SLC24A3: variants seen among roughly 807,000 people sequenced by gnomAD.
SLC24A3 encodes the protein solute carrier family 24 member 3.
In SLC24A3, 28 loss-of-function variants were observed where a neutral mutation model predicts 75.8. That is an observed-to-expected ratio of 0.37 (90% CI 0.27 to 0.51). The LOEUF (loss-of-function observed/expected upper bound fraction) is 0.51, where lower values mean the gene tolerates loss of function less well. Ranked by LOEUF, SLC24A3 falls within the 20% of genes least tolerant of loss-of-function variation. SLC24A3 has a pLI of 0.94. For synonymous variants in SLC24A3, 372 were observed against 334.1 expected (o/e 1.11, Z -1.24); for missense variants, 663 against 847.8 (o/e 0.78, Z 2.71).
rs1464296009 is a variant in SLC24A3, at chr20:19,438,432, CT to C, written c.272-77055del. 2.6e-5 allele frequency among the ~76,000 whole-genome samples: 4 copies of C among 152,312 alleles called. No homozygotes were observed. The East Asian group carries it at 7.7e-4, about 29-fold the overall frequency. ...GGTGGTAGGTAGTGTAGACAGCAAA[CT>C]GCTTGCTGGCCTCTATACAGGACAT... On this transcript the variant is annotated intron_variant, in intron 2 of 16. Coordinates refer to ENST00000328041, the MANE Select transcript of SLC24A3 (RefSeq NM_020689.4).
At chr20:19,531,848 G>C (rs960950628) in intron 3 of SLC24A3, among the ~76,000 whole-genome samples, 1 of 152,168 alleles carries the variant, frequency 6.6e-6, no homozygotes, top group East Asian at 1.9e-4. Context: ...GTCCCAACAC[G>C]TGGCTGTTCT....
intron 6 of SLC24A3, among the ~76,000 whole-genome samples, chr20:19,652,365 A>T (rs1473117274): frequency 6.6e-6 from 1 of 152,246 alleles, no homozygotes; most frequent in Non-Finnish European, 1.5e-5. Context: ...TGATTATAAT[A>T]AAGTGAATAA....
At chr20:19,571,949 A>G (rs1467730138) in intron 3 of SLC24A3, among the ~76,000 whole-genome samples, 1 of 152,190 alleles carries the variant, frequency 6.6e-6, no homozygotes, top group Non-Finnish European at 1.5e-5. Context: ...ACCTTGAGAC[A>G]AGGATTTAAA....
intron 6 of SLC24A3, among the ~76,000 whole-genome samples, chr20:19,629,734 T>A (rs2031910936): frequency 6.6e-6 from 1 of 152,100 alleles, no homozygotes; most frequent in African/African-American, 2.4e-5. Context: ...CGGGCCAGAA[T>A]GGATTGGGAT....
intron 2 of SLC24A3, among the ~76,000 whole-genome samples, chr20:19,436,776 G>C (rs556281413): frequency 2.2e-4 from 34 of 152,272 alleles, no homozygotes; most frequent in African/African-American, 7.2e-4. Context: ...GCTCTGATTG[G>C]TTACAGCTGG....
chr20:19,360,470 A>G (rs1054633041), intron 2 of SLC24A3, among the ~76,000 whole-genome samples: 1 of 152,238 alleles, frequency 6.6e-6, no homozygotes, highest in African/African-American at 2.4e-5. Context: ...TCAGCATGTG[A>G]ATACTTCAAC....
At chr20:19,631,278 T>C (rs1029304770) in intron 6 of SLC24A3, among the ~76,000 whole-genome samples, 2 of 152,114 alleles carry the variant, frequency 1.3e-5, no homozygotes, top group Non-Finnish European at 2.9e-5. Context: ...GCCTTGGAGA[T>C]GGAGGTTGCA....
At chr20:19,238,440 G>A (rs138841283) in intron 1 of SLC24A3, among the ~76,000 whole-genome samples, 235 of 152,234 alleles carry the variant, frequency 1.5e-3, no homozygotes, top group African/African-American at 4.7e-3. Flanking sequence ...ATGCCTTTCC[G>A]CCATCACTTG....
At chr20:19,471,251 A>T (rs1987864679) in intron 2 of SLC24A3, among the ~76,000 whole-genome samples, 1 of 152,154 alleles carries the variant, frequency 6.6e-6, no homozygotes, top group African/African-American at 2.4e-5. Flanking sequence ...CGTCCATGAG[A>T]GATCCCCAGA....
At chr20:19,354,043 GA>G (rs1161881244) in intron 2 of SLC24A3, among the ~76,000 whole-genome samples, 4 of 152,062 alleles carry the variant, frequency 2.6e-5, no homozygotes, top group Admixed American at 1.3e-4. Flanking sequence ...CTCCAAACTA[GA>G]AAAATCCAGA....
Position 19,314,917 on chromosome 20 carries a change from A to G in SLC24A3, c.271+33830A>G, listed in dbSNP as rs868243404. Among the ~76,000 whole-genome samples the G allele has an allele frequency of 5.3e-5, 8 of 152,334 alleles. No individual in the cohort carries two copies. In the South Asian group the frequency reaches 6.2e-4, roughly 12 times the overall value. ...ACACATGGTGTCTGCAATGCACAGA[A>G]TTGCAGTATCACCCTGTCATCTGAC... is the stretch of plus-strand genomic sequence containing the variant. On this transcript the variant is annotated intron_variant, in intron 2 of 16. Coordinates refer to ENST00000328041, the MANE Select transcript of SLC24A3 (RefSeq NM_020689.4).
rs934332134 is a variant in SLC24A3, at chr20:19,721,340, A to T, written c.*200A>T. ...CCACCTCCTTGGGTCATGCCCACCC[A>T]CCCTTTCCTGCCTCCTCCGTGTGAA... On this transcript the variant is annotated 3_prime_UTR_variant, in exon 17 of 17. Coordinates refer to ENST00000328041, the MANE Select transcript of SLC24A3 (RefSeq NM_020689.4). The T allele has an allele frequency of 1.8e-6, 1 of 553,760 alleles. No individual in the cohort carries two copies. Among genetic ancestry groups the T allele is most frequent in the Admixed American group, 3.4e-5 (1 of 29,324 alleles). The allele number at this position is 553,760 out of a possible 1,614,324, so 34.3% of individuals were successfully genotyped here.
In SLC24A3 at chr20:19,408,420, C is replaced by T. The variant is rs371761581; in HGVS notation, c.272-107068C>T. Among the ~76,000 whole-genome samples, 10 of 145,888 alleles carry T rather than the reference C, an allele frequency of 6.9e-5. No individual in the cohort carries two copies. The East Asian group carries it at 2.0e-3, about 29-fold the overall frequency. On this transcript the variant is annotated intron_variant, in intron 2 of 16. Coordinates refer to ENST00000328041, the MANE Select transcript of SLC24A3 (RefSeq NM_020689.4). ...TTTTTTTTTTTTTGAGACAGAGTCT[C>T]GCTCTGCCACCCAGCCTGGAGTGCA...
intron 1 of SLC24A3, among the ~76,000 whole-genome samples, chr20:19,275,200 G>A (rs1249345517): frequency 6.6e-6 from 1 of 152,100 alleles, no homozygotes; most frequent in Non-Finnish European, 1.5e-5. Flanking sequence ...CCACTTCCCT[G>A]GGCTCCTGGA....
intron 2 of SLC24A3, among the ~76,000 whole-genome samples, chr20:19,417,406 G>A (rs911894871): frequency 2.6e-5 from 4 of 152,182 alleles, no homozygotes; most frequent in Non-Finnish European, 4.4e-5. Flanking sequence ...TGGAACAATA[G>A]CGGGCAGATG....
At chr20:19,479,850 A>G (rs754216315) in intron 2 of SLC24A3, among the ~76,000 whole-genome samples, 1 of 152,174 alleles carries the variant, frequency 6.6e-6, no homozygotes, top group Non-Finnish European at 1.5e-5. Flanking sequence ...CTTAAGGCAC[A>G]TGGTTGGGAC....
At chr20:19,260,070 C>G (rs963951504) in intron 1 of SLC24A3, among the ~76,000 whole-genome samples, 2 of 152,214 alleles carry the variant, frequency 1.3e-5, no homozygotes, top group African/African-American at 4.8e-5. Context: ...CCAGGCCCAG[C>G]TCTGCTGCTG....
chr20:19,353,574 G>C (rs1985618756), intron 2 of SLC24A3, among the ~76,000 whole-genome samples: 1 of 152,170 alleles, frequency 6.6e-6, no homozygotes, highest in Non-Finnish European at 1.5e-5. Flanking sequence ...GAACTATTAA[G>C]ACATGATCCT....
rs982202988 is a variant in SLC24A3, at chr20:19,711,599, CACAA to C, written c.1720-5925_1720-5922del. ...GCATGCTCACATGCAAACACATGCA[CACAA>C]ACACACACACCCATGCTCAGAATCA... On this transcript the variant is annotated intron_variant, in intron 15 of 16. Coordinates refer to ENST00000328041, the MANE Select transcript of SLC24A3 (RefSeq NM_020689.4). Among the ~76,000 whole-genome samples the C allele has an allele frequency of 2.6e-4, 40 of 152,314 alleles. 1 individual carries two copies. The highest frequency in any genetic ancestry group is 8.2e-4 in the African/African-American group (34 of 41,572).
Sources: gnomAD v4.1 joint callset for allele counts (sites outside exome capture counted in the v4.1 genomes callset) on GRCh38, gnomAD v4.1.1 for gene constraint, MANE v1.5 for transcripts, NCBI Gene and HGNC (gene_info 2026-07-23, HGNC 2026-07-21) for gene names.